ST3GAL2: variants seen among roughly 807,000 people sequenced by gnomAD.
The protein encoded by ST3GAL2 is CMP-N-acetylneuraminate-beta-galactosamide-alpha-2,3-sialyltransferase 2.
ST3GAL2 carries 16 observed loss-of-function variants against 37.5 expected under a neutral mutation model. The ratio of observed to expected loss-of-function variants is 0.43; its 90% CI spans 0.29 to 0.65. The LOEUF is 0.65. ST3GAL2 is among the 30% of genes least tolerant of loss of function. The pLI, the probability that ST3GAL2 is intolerant of heterozygous loss-of-function variation, is 0.17. For synonymous variants in ST3GAL2, 238 were observed against 202.9 expected, an observed-to-expected ratio of 1.17 and a Z score of -1.47; for missense variants, 383 against 487.8, an observed-to-expected ratio of 0.79 and a Z score of 2.02.
In ST3GAL2 at chr16:70,413,163, T is replaced by C. The variant is rs373506712; in HGVS notation, c.-1003-13630A>G. On this transcript the variant is annotated intron_variant, in intron 1 of 6. Transcript: ENST00000342907. ...TACTCGGGAGGCTGAGACAGGAGAC[T>C]CACTTGAACCTGGAAGGCGGAGGTT... Among the ~76,000 whole-genome samples, 86 of 151,434 alleles carry C rather than the reference T, an allele frequency of 5.7e-4. 2 individuals carry two copies. The East Asian group carries it at 6.6e-3, about 12-fold the overall frequency.
intron 1 of ST3GAL2, among the ~76,000 whole-genome samples, chr16:70,406,780 C>CAA (rs567301967): frequency 8.4e-6 from 1 of 118,580 alleles, no homozygotes; most frequent in Non-Finnish European, 1.8e-5. Flanking sequence ...GACTCTGTCT[C>CAA]AAAAAAAAAA....
chr16:70,417,644 G>C (rs1297609261), intron 1 of ST3GAL2, among the ~76,000 whole-genome samples: 1 of 152,216 alleles, frequency 6.6e-6, no homozygotes, highest in East Asian at 1.9e-4. Flanking sequence ...AAAAGCCTCA[G>C]ACATTAATAG....
Position 70,430,495 on chromosome 16 carries a change from T to C in ST3GAL2, c.-1004+8454A>G, listed in dbSNP as rs540699008. On this transcript the variant is annotated intron_variant, in intron 1 of 6. Coordinates refer to ENST00000342907, the MANE Select transcript of ST3GAL2 (RefSeq NM_006927.4). ...GACCTGCTTCCCATGCCACAGCCTC[T>C]TCCCGTCTAAGGAAGTACCAGTGTT... Among the ~76,000 whole-genome samples the C allele has an allele frequency of 9.2e-5, 14 of 152,316 alleles. 1 individual carries two copies. In the South Asian group the frequency reaches 2.9e-3, roughly 32 times the overall value.
At chr16:70,388,240 C>T in intron 4 of ST3GAL2, 127 bp downstream of exon 4, 1 of 1,237,448 alleles carries the variant, frequency 8.1e-7, no homozygotes, top group South Asian at 1.4e-5. Context: ...AACTTAGGCC[C>T]TCCCTTCTCA....
At chr16:70,417,299 A>ACCCCACCTTCCCAGCCCCC (rs2047682781) in intron 1 of ST3GAL2, among the ~76,000 whole-genome samples, 1 of 135,338 alleles carries the variant, frequency 7.4e-6, no homozygotes, top group African/African-American at 2.8e-5. Context: ...CCCCAGCCCC[A>ACCCCACCTTCCCAGCCCCC]CCCCACCTTC....
chr16:70,434,417 C>A (rs1427873816), intron 1 of ST3GAL2, among the ~76,000 whole-genome samples: 2 of 150,976 alleles, frequency 1.3e-5, no homozygotes, highest in African/African-American at 2.4e-5. Flanking sequence ...AGCCTGGCAA[C>A]AGAACGAGAC....
At chr16:70,394,929 C>A in intron 3 of ST3GAL2, 53 bp downstream of exon 3, 1 of 1,581,608 alleles carries the variant, frequency 6.3e-7, no homozygotes, top group South Asian at 1.1e-5. Context: ...GGAGGGCAGT[C>A]CCCTTCCCGG....
chr16:70,409,838 G>A (rs1430936124), intron 1 of ST3GAL2, among the ~76,000 whole-genome samples: 1 of 145,274 alleles, frequency 6.9e-6, no homozygotes, highest in African/African-American at 2.6e-5. Flanking sequence ...CATAAAGACA[G>A]GGTCTTGCTA....
chr16:70,431,662 T>C (rs1200148201), intron 1 of ST3GAL2, among the ~76,000 whole-genome samples: 2 of 139,376 alleles, frequency 1.4e-5, no homozygotes, highest in South Asian at 4.6e-4. Flanking sequence ...CCCATCTCTT[T>C]AAAAAAAAAA....
At chr16:70,410,226 A>C (rs2047627336) in intron 1 of ST3GAL2, among the ~76,000 whole-genome samples, 1 of 98,976 alleles carries the variant, frequency 1.0e-5, no homozygotes, top group African/African-American at 3.8e-5. Flanking sequence ...TTGACATATT[A>C]TCTCCACCCT....
At chr16:70,387,589 T>A (rs1458867953) in intron 4 of ST3GAL2, among the ~76,000 whole-genome samples, 3 of 152,066 alleles carry the variant, frequency 2.0e-5, no homozygotes, top group Non-Finnish European at 4.4e-5. Flanking sequence ...TTAAAATTAA[T>A]TGTAGTCATG....
intron 1 of ST3GAL2, among the ~76,000 whole-genome samples, chr16:70,411,411 A>T (rs946664787): frequency 4.6e-5 from 7 of 151,924 alleles, no homozygotes. Context: ...GCAGCAGCAC[A>T]TGAAGAAAAA....
chr16:70,415,834 C>G (rs537959961), intron 1 of ST3GAL2, among the ~76,000 whole-genome samples: 1 of 132,676 alleles, frequency 7.5e-6, no homozygotes, highest in African/African-American at 2.9e-5. Flanking sequence ...GTGGCACAAT[C>G]TTGGGATCTT....
chr16:70,431,985 A>ATATATATTTTTTT lies in ST3GAL2; in HGVS notation c.-1004+6963_-1004+6964insAAAAAAATATATA, dbSNP rs1454729972. On this transcript the variant is annotated intron_variant, in intron 1 of 6. Coordinates refer to ENST00000342907, the MANE Select transcript of ST3GAL2 (RefSeq NM_006927.4). Reference sequence around the variant, plus strand: ...TCTTAAAAAAAATATATATATATATATTTTTTTTTAACTTAGCTGGGCACA... The same window carrying ATATATATTTTTTT: ...TCTTAAAAAAAATATATATATATATATATATATTTTTTTTTTTTTTTTAACTTAGCTGGGCACA... 6.3e-3 allele frequency among the ~76,000 whole-genome samples: 881 copies of ATATATATTTTTTT among 138,966 alleles called. 13 individuals are homozygous for ATATATATTTTTTT. Among genetic ancestry groups the ATATATATTTTTTT allele is most frequent in the African/African-American group, 0.026 (807 of 31,298 alleles). 91.2% of individuals were successfully genotyped at this position (138,966 alleles called of 152,430 possible).
chr16:70,412,875 C>T (rs905177561), intron 1 of ST3GAL2, among the ~76,000 whole-genome samples: 2 of 151,720 alleles, frequency 1.3e-5, no homozygotes, highest in Non-Finnish European at 1.5e-5. Flanking sequence ...GGCAAAACCG[C>T]GTCTCTATAA....
At chr16:70,418,996 C>T (rs2047694951) in intron 1 of ST3GAL2, among the ~76,000 whole-genome samples, 1 of 152,164 alleles carries the variant, frequency 6.6e-6, no homozygotes, top group African/African-American at 2.4e-5. Flanking sequence ...AAGGGCCCAA[C>T]CCGGGCGAGT....
intron 3 of ST3GAL2, among the ~76,000 whole-genome samples, chr16:70,389,072 C>T: frequency 9.0e-6 from 1 of 111,368 alleles, no homozygotes; most frequent in African/African-American, 3.9e-5. Context: ...AGACTCTTGT[C>T]TCCAAAAAAA....
At chr16:70,386,749 G>A (rs1030722954) in intron 4 of ST3GAL2, among the ~76,000 whole-genome samples, 2 of 152,044 alleles carry the variant, frequency 1.3e-5, no homozygotes, top group African/African-American at 2.4e-5. Flanking sequence ...GAGCTCAAGC[G>A]ATTCTCCTGT....
chr16:70,413,321 G>C (rs2047652197), intron 1 of ST3GAL2, among the ~76,000 whole-genome samples: 2 of 151,616 alleles, frequency 1.3e-5, no homozygotes, highest in Non-Finnish European at 2.9e-5. Flanking sequence ...GAAGCTGAGG[G>C]GGCAGGATCA....
Sources: allele counts gnomAD v4.1 joint callset (sites outside exome capture counted in the v4.1 genomes callset), GRCh38; gene constraint gnomAD v4.1.1; transcripts MANE v1.5; gene names NCBI Gene and HGNC (gene_info 2026-07-23, HGNC 2026-07-21).